The following RBM46 variants were observed in gnomAD, a reference collection of about 807,000 sequenced individuals.
RBM46 encodes RNA binding motif protein 46.
RBM46 carries 12 observed loss-of-function variants against 43.3 expected under a neutral mutation model. That is an observed-to-expected ratio of 0.28 (90% CI 0.18 to 0.45). The LOEUF (loss-of-function observed/expected upper bound fraction) is 0.45, where lower values mean the gene tolerates loss of function less well. Ranked by LOEUF, RBM46 falls within the 20% of genes least tolerant of loss-of-function variation. The probability of loss-of-function intolerance (pLI) is 1.00; values close to 1 mark genes in which losing one functional copy is unlikely to be tolerated. For missense variants in RBM46, 412 were observed against 639.1 expected (o/e 0.64, Z 3.83); for synonymous variants, 205 against 207.6 (o/e 0.99, Z 0.11).
At chr4:154,810,918 T>A (rs1174571352) in intron 4 of RBM46, among the ~76,000 whole-genome samples, 1 of 152,190 alleles carries the variant, frequency 6.6e-6, no homozygotes, top group Non-Finnish European at 1.5e-5. Flanking sequence ...ATTCATTCCT[T>A]TAGGCTTCTC....
intron 4 of RBM46, among the ~76,000 whole-genome samples, chr4:154,802,229 T>C (rs1734671818): frequency 6.6e-6 from 1 of 152,090 alleles, no homozygotes; most frequent in Non-Finnish European, 1.5e-5. Context: ...CAGGAAAATA[T>C]ATTTAGGCAG....
intron 4 of RBM46, among the ~76,000 whole-genome samples, chr4:154,820,678 A>C (rs1487806906): frequency 6.6e-6 from 1 of 151,904 alleles, no homozygotes; most frequent in Non-Finnish European, 1.5e-5. Flanking sequence ...CAGTATTATA[A>C]ATTCGATATA....
intron 4 of RBM46, among the ~76,000 whole-genome samples, chr4:154,808,394 T>C (rs16998925): frequency 0.034 from 5,224 of 152,128 alleles, 293 homozygotes; most frequent in African/African-American, 0.12. Context: ...TGTACTTTTC[T>C]TTAATCCTGT....
chr4:154,790,900 T>C (rs1388401263), intron 1 of RBM46, among the ~76,000 whole-genome samples: 4 of 152,090 alleles, frequency 2.6e-5, no homozygotes, highest in Admixed American at 1.3e-4. Context: ...TGATATAGGG[T>C]GGGGCAGATT....
At position 154,801,340 on chromosome 4, in the gene RBM46, G is replaced by A. The variant is rs909302072; in HGVS notation, c.1402+1776G>A. On this transcript the variant is annotated intron_variant, in intron 4 of 4. Transcript: ENST00000281722. ...CTGCTTGAAGACACATTTAAGCAGT[G>A]TCTTCAATTATTAGTTTGGAGATAT... is the stretch of plus-strand genomic sequence containing the variant. Among the ~76,000 whole-genome samples the A allele has an allele frequency of 1.2e-4, 19 of 152,246 alleles. No homozygotes were observed. In the East Asian group the frequency reaches 2.7e-3, roughly 22 times the overall value.
In RBM46 at chr4:154,798,934, A is replaced by G. The variant is rs1734479236; in HGVS notation, c.772A>G (p.Lys258Glu). The G allele has an allele frequency of 1.2e-6, 2 of 1,613,594 alleles. No individual in the cohort carries two copies. The highest frequency in any genetic ancestry group is 1.7e-6 in the Non-Finnish European group (2 of 1,179,834). Residue 258 changes from lysine to glutamate, a missense_variant, in exon 4 of 5, where the codon AAA (lysine) becomes GAA (glutamate). Around this residue, in one of 8 missense-constraint regions of RBM46, gnomAD observed 54 missense variants for 102.5 expected, o/e 0.53. Transcript: ENST00000281722. ...TEETIKAEFNKFKPGAVERVK... is the reference protein window; with the variant it reads ...TEETIKAEFNEFKPGAVERVK... ...GGAAACAATTAAAGCAGAATTCAAT[A>G]AATTTAAGCCTGGTGCAGTTGAACG...
At chr4:154,825,799 C>G (rs12648375) in intron 4 of RBM46, among the ~76,000 whole-genome samples, 31,605 of 152,102 alleles carry the variant, frequency 0.21, 4,000 homozygotes, top group Middle Eastern at 0.29. Context: ...CATGAATAGG[C>G]TGCATTACCT....
chr4:154,818,073 A>G (rs1735542992), intron 4 of RBM46, among the ~76,000 whole-genome samples: 1 of 152,038 alleles, frequency 6.6e-6, no homozygotes. Context: ...ATATATTTAA[A>G]CCTTATACAT....
chr4:154,789,550 T>C (rs1733971133), intron 1 of RBM46, among the ~76,000 whole-genome samples: 1 of 152,202 alleles, frequency 6.6e-6, no homozygotes, highest in African/African-American at 2.4e-5. Context: ...GATAAGCTTT[T>C]TGATGTGCTG....
chr4:154,826,870 G>A (rs1735991348), intron 4 of RBM46: 1 of 1,487,528 alleles, frequency 6.7e-7, no homozygotes, highest in Non-Finnish European at 8.9e-7. Context: ...CACCTATGGT[G>A]TAGGCATCAT....
chr4:154,799,099 A>C lies in RBM46; in HGVS notation c.937A>C (p.Asn313His). 7 of 1,614,112 alleles carry C rather than the reference A, an allele frequency of 4.3e-6. No individual in the cohort carries two copies. The highest frequency in any genetic ancestry group is 5.9e-6 in the Non-Finnish European group (7 of 1,179,982). ...ACTAGCTAAACCAGTAAATAAAGAA[A>C]ACACTTGGAGACAGCATCTTAATGG... ...VTLAKPVNKENTWRQHLNGQI... is the reference protein window; with the variant it reads ...VTLAKPVNKEHTWRQHLNGQI... The change falls in exon 4 of 5, where the codon AAC (asparagine) becomes CAC (histidine). Residue 313 changes from asparagine (N) to histidine (H), a missense_variant. Around this residue, in one of 8 missense-constraint regions of RBM46, gnomAD observed 105 missense variants for 111.0 expected, o/e 0.95. Coordinates refer to ENST00000281722, the MANE Select transcript of RBM46 (RefSeq NM_144979.5).
At chr4:154,803,014 T>A (rs189476860) in intron 4 of RBM46, among the ~76,000 whole-genome samples, 65 of 152,216 alleles carry the variant, frequency 4.3e-4, no homozygotes, top group Admixed American at 3.8e-3. Flanking sequence ...AGAAAAAAAA[T>A]TAGGCTTTGC....
chr4:154,817,755 C>T (rs893482834), intron 4 of RBM46, among the ~76,000 whole-genome samples: 6 of 151,972 alleles, frequency 3.9e-5, no homozygotes, highest in Non-Finnish European at 5.9e-5. Flanking sequence ...ATGTCCTTGC[C>T]GATAGGCTTG....
At chr4:154,785,409 T>TAA (rs35749811) in intron 1 of RBM46, among the ~76,000 whole-genome samples, 32 of 146,200 alleles carry the variant, frequency 2.2e-4, no homozygotes, top group African/African-American at 7.3e-4. Flanking sequence ...GAATTGTAGT[T>TAA]AAAAAAAAAA....
chr4:154,810,671 A>G, intron 4 of RBM46, among the ~76,000 whole-genome samples: 1 of 152,164 alleles, frequency 6.6e-6, no homozygotes, highest in East Asian at 1.9e-4. Context: ...CAAAACAACA[A>G]ACAAAAATAA....
chr4:154,791,397 C>T (rs1734085241), intron 1 of RBM46, among the ~76,000 whole-genome samples: 1 of 152,152 alleles, frequency 6.6e-6, no homozygotes, highest in Admixed American at 6.5e-5. Context: ...TGACTCACGC[C>T]TGTAATTCCA....
intron 4 of RBM46, among the ~76,000 whole-genome samples, chr4:154,814,412 G>C (rs534645316): frequency 6.6e-6 from 1 of 152,140 alleles, no homozygotes; most frequent in South Asian, 2.1e-4. Flanking sequence ...TTGGGTGAAA[G>C]TACCAGTAAG....
At position 154,798,900 on chromosome 4, in the gene RBM46, A is replaced by G. The variant is rs1396077010; in HGVS notation, c.738A>G (p.Ser246=). The change falls in exon 4 of 5, where the codon TCA becomes TCG. Residue 246 remains serine (S), a synonymous_variant. Coordinates refer to ENST00000281722, the MANE Select transcript of RBM46 (RefSeq NM_144979.5). Reference sequence around the variant, plus strand: ...TTTATGTAAGAAATTTAATGATCTCAACTACAGAGGAAACAATTAAAGCAG... The same window carrying G: ...TTTATGTAAGAAATTTAATGATCTCGACTACAGAGGAAACAATTAAAGCAG... ...KVLYVRNLMI[S]TTEETIKAEF... is the part of the protein sequence containing the mutation. The G allele has an allele frequency of 1.9e-6, 3 of 1,613,014 alleles. No homozygotes were observed. The highest frequency in any genetic ancestry group is 2.2e-5 in the East Asian group (1 of 44,864).
At position 154,799,494 on chromosome 4, in the gene RBM46, G is replaced by A. The variant is rs1734514134; in HGVS notation, c.1332G>A (p.Met444Ile). 6.2e-7 allele frequency: 1 copy of A among 1,612,440 alleles called. No homozygotes were observed. Among genetic ancestry groups the A allele is most frequent in the Non-Finnish European group, 8.5e-7 (1 of 1,179,382 alleles). ...CAAATGGATCCCAGAGTTACTTCAT[G>A]CCAGACAAACTCTGTACTACGTTAG... The part of the protein sequence containing the change: ...AIANGSQSYF[M>I]PDKLCTTLED... The change falls in exon 4 of 5, where the codon ATG becomes ATA. Residue 444 changes from methionine (M) to isoleucine (I), a missense_variant. Around this residue, in one of 8 missense-constraint regions of RBM46, gnomAD observed 149 missense variants for 156.3 expected, o/e 0.95. Transcript: ENST00000281722.
Sources: gnomAD v4.1 joint callset for allele counts (sites outside exome capture counted in the v4.1 genomes callset) on GRCh38, gnomAD v4.1.1 for gene constraint, gnomAD v4.1.1 regional missense constraint, MANE v1.5 for transcripts, NCBI Gene and HGNC (gene_info 2026-07-23, HGNC 2026-07-21) for gene names.